KCND2: variants seen among roughly 807,000 people sequenced by gnomAD.
KCND2 encodes the protein potassium voltage-gated channel subfamily D member 2.
In KCND2, 16 loss-of-function variants were observed where a neutral mutation model predicts 54.4. The observed-to-expected ratio is 0.29, with a 90% CI of 0.20 to 0.45. KCND2 has a LOEUF of 0.45. Ranked by LOEUF, KCND2 falls within the 20% of genes least tolerant of loss-of-function variation. The pLI is 1.00. For missense variants in KCND2, 486 were observed against 824.2 expected, an observed-to-expected ratio of 0.59 and a Z score of 5.02; for synonymous variants, 317 against 310.7, an observed-to-expected ratio of 1.02 and a Z score of -0.21.
At position 120,676,155 on chromosome 7, in the gene KCND2, C is replaced by A. The variant is rs576611872; in HGVS notation, c.1116-56748C>A. The stretch of plus-strand genomic sequence containing the variant: ...GCCCAACCTCTCTTTCTATTCTTAG[C>A]ACAAGGAACAGCCTAGCATTTATAG... On this transcript the variant is annotated intron_variant, in intron 1 of 5. Coordinates refer to ENST00000331113, the MANE Select transcript of KCND2 (RefSeq NM_012281.3). 4.6e-5 allele frequency among the ~76,000 whole-genome samples: 7 copies of A among 152,236 alleles called. No individual in the cohort carries two copies. The East Asian group carries it at 1.4e-3, about 29-fold the overall frequency.
intron 1 of KCND2, among the ~76,000 whole-genome samples, chr7:120,479,672 T>A (rs1802575322): frequency 6.6e-6 from 1 of 151,096 alleles, no homozygotes; most frequent in South Asian, 2.1e-4. Context: ...CTCATGCCTG[T>A]AATCTCAGCA....
chr7:120,456,950 G>A (rs2116229902), intron 1 of KCND2, among the ~76,000 whole-genome samples: 1 of 152,342 alleles, frequency 6.6e-6, no homozygotes, highest in Admixed American at 6.5e-5. Flanking sequence ...CTGAAATCTA[G>A]ATGGAGGTTC....
intron 1 of KCND2, among the ~76,000 whole-genome samples, chr7:120,706,737 G>A (rs1057238237): frequency 2.6e-5 from 4 of 152,090 alleles, no homozygotes; most frequent in Admixed American, 1.3e-4. Context: ...GTTGAATGTA[G>A]CACAAATGTC....
At chr7:120,586,239 A>C (rs1792599120) in intron 1 of KCND2, among the ~76,000 whole-genome samples, 1 of 152,056 alleles carries the variant, frequency 6.6e-6, no homozygotes, top group Non-Finnish European at 1.5e-5. Flanking sequence ...ATAACATTGC[A>C]CCTTCTTATG....
intron 1 of KCND2, among the ~76,000 whole-genome samples, chr7:120,690,938 G>A (rs1033136277): frequency 1.1e-4 from 16 of 152,276 alleles, no homozygotes; most frequent in Middle Eastern, 3.4e-3. Context: ...GGTAGGGAGC[G>A]CTGTGGATGT....
chr7:120,620,787 GAA>G (rs1793088263), intron 1 of KCND2, among the ~76,000 whole-genome samples: 1 of 152,126 alleles, frequency 6.6e-6, no homozygotes, highest in Non-Finnish European at 1.5e-5. Flanking sequence ...TATGCTACTT[GAA>G]TAGGTAAAAG....
intron 1 of KCND2, among the ~76,000 whole-genome samples, chr7:120,384,454 CAT>C (rs1342490553): frequency 1.3e-5 from 2 of 152,172 alleles, no homozygotes; most frequent in African/African-American, 4.8e-5. Flanking sequence ...CAGTGACACA[CAT>C]ATGCTCTCAG....
chr7:120,736,242 C>T (rs1242114674), intron 2 of KCND2, among the ~76,000 whole-genome samples: 2 of 151,976 alleles, frequency 1.3e-5, no homozygotes, highest in African/African-American at 2.4e-5. Context: ...CTTCTAGTTT[C>T]TTCCATTTGC....
intron 1 of KCND2, among the ~76,000 whole-genome samples, chr7:120,328,052 C>T (rs1048784724): frequency 1.3e-5 from 2 of 152,042 alleles, no homozygotes; most frequent in Non-Finnish European, 2.9e-5. Context: ...CTTAATTTCT[C>T]TCAGTTACTT....
intron 1 of KCND2, among the ~76,000 whole-genome samples, chr7:120,428,571 G>A (rs1240515136): frequency 1.3e-5 from 2 of 152,134 alleles, no homozygotes; most frequent in African/African-American, 4.8e-5. Flanking sequence ...GTGGCAGATG[G>A]CAAAAGACTG....
intron 1 of KCND2, among the ~76,000 whole-genome samples, chr7:120,451,604 T>A (rs1802109501): frequency 1.3e-5 from 2 of 152,208 alleles, no homozygotes; most frequent in Non-Finnish European, 2.9e-5. Flanking sequence ...ACTACGGTTT[T>A]CGCAGACGTA....
chr7:120,282,405 TCA>T (rs2116258182), intron 1 of KCND2, among the ~76,000 whole-genome samples: 1 of 152,258 alleles, frequency 6.6e-6, no homozygotes, highest in Non-Finnish European at 1.5e-5. Context: ...CTCAATGTAA[TCA>T]CCATCAGGAA....
chr7:120,318,409 A>G (rs1000408244), intron 1 of KCND2, among the ~76,000 whole-genome samples: 18 of 152,260 alleles, frequency 1.2e-4, no homozygotes, highest in Non-Finnish European at 1.9e-4. Context: ...TTGATTCTAT[A>G]TGAAAGGTGA....
intron 1 of KCND2, among the ~76,000 whole-genome samples, chr7:120,473,930 G>A (rs1279210128): frequency 6.6e-6 from 1 of 152,150 alleles, no homozygotes; most frequent in East Asian, 1.9e-4. Flanking sequence ...AGCAACTTAG[G>A]ACTTCAGGGT....
chr7:120,664,723 C>T (rs956565198), intron 1 of KCND2, among the ~76,000 whole-genome samples: 6 of 152,012 alleles, frequency 3.9e-5, no homozygotes, highest in African/African-American at 9.7e-5. Context: ...CCTTGATTTT[C>T]TTCCAGTCCC....
intron 1 of KCND2, among the ~76,000 whole-genome samples, chr7:120,729,664 G>A (rs181706391): frequency 2.4e-4 from 37 of 152,318 alleles, no homozygotes; most frequent in Admixed American, 2.1e-3. Context: ...GCATAAACGT[G>A]AGAGAAGATG....
chr7:120,306,776 AT>A (rs1197388915), intron 1 of KCND2, among the ~76,000 whole-genome samples: 4 of 151,816 alleles, frequency 2.6e-5, no homozygotes, highest in African/African-American at 4.8e-5. Flanking sequence ...ACAATTGAAT[AT>A]TTTTTTTAAA....
chr7:120,401,981 G>A (rs1347732316), intron 1 of KCND2, among the ~76,000 whole-genome samples: 1 of 151,986 alleles, frequency 6.6e-6, no homozygotes, highest in East Asian at 1.9e-4. Flanking sequence ...CAAAATTAGG[G>A]CCCGATGGCT....
chr7:120,650,587 G>T (rs1791717606), intron 1 of KCND2, among the ~76,000 whole-genome samples: 1 of 143,554 alleles, frequency 7.0e-6, no homozygotes, highest in Admixed American at 6.7e-5. Context: ...GGAGAAGTTT[G>T]ATCGTCTGAA....
Sources: gnomAD v4.1 joint callset for allele counts (sites outside exome capture counted in the v4.1 genomes callset) on GRCh38, gnomAD v4.1.1 for gene constraint, MANE v1.5 for transcripts, NCBI Gene and HGNC (gene_info 2026-07-23, HGNC 2026-07-21) for gene names.